TMEM132D: variants seen among roughly 807,000 people sequenced by gnomAD.
The protein encoded by TMEM132D is transmembrane protein 132D, also known as mature OL transmembrane protein.
TMEM132D carries 21 observed loss-of-function variants against 62.3 expected under a neutral mutation model. That is an observed-to-expected ratio of 0.34 (90% CI 0.24 to 0.49). TMEM132D has a LOEUF of 0.49. Among genes scored for constraint, TMEM132D ranks in the 20% least tolerant of loss-of-function variants. The probability of loss-of-function intolerance (pLI) is 0.99; values close to 1 mark genes in which losing one functional copy is unlikely to be tolerated. For synonymous variants in TMEM132D, 621 were observed against 575.6 expected, an observed-to-expected ratio of 1.08 and a Z score of -1.13; for missense variants, 1,346 against 1,402.8, an observed-to-expected ratio of 0.96 and a Z score of 0.65.
At chr12:129,228,957 G>A (rs1465229846) in intron 4 of TMEM132D, among the ~76,000 whole-genome samples, 2 of 152,182 alleles carry the variant, frequency 1.3e-5, no homozygotes, top group East Asian at 3.9e-4. Context: ...CAATTCCGGG[G>A]CATCATTCAG....
chr12:129,348,133 G>A (rs1331005711), intron 3 of TMEM132D, among the ~76,000 whole-genome samples: 1 of 152,176 alleles, frequency 6.6e-6, no homozygotes, highest in Non-Finnish European at 1.5e-5. Context: ...TAACCATAGT[G>A]GAAGACAGTG....
intron 1 of TMEM132D, among the ~76,000 whole-genome samples, chr12:129,807,727 T>G (rs1356098928): frequency 6.6e-6 from 1 of 152,196 alleles, no homozygotes; most frequent in Non-Finnish European, 1.5e-5. Flanking sequence ...TCTGATTAGG[T>G]TCGGCCAATC....
At chr12:129,793,584 T>TCGAACTC (rs1432903259) in intron 1 of TMEM132D, among the ~76,000 whole-genome samples, 1 of 152,210 alleles carries the variant, frequency 6.6e-6, no homozygotes, top group Non-Finnish European at 1.5e-5. Context: ...CAGGCTGGTC[T>TCGAACTC]CGAACTCCTG....
At chr12:129,347,794 T>C (rs1869733331) in intron 3 of TMEM132D, among the ~76,000 whole-genome samples, 1 of 152,130 alleles carries the variant, frequency 6.6e-6, no homozygotes, top group African/African-American at 2.4e-5. Context: ...TGGGAGAACA[T>C]TTTTGCAATC....
At chr12:129,253,159 T>C (rs1471954608) in intron 4 of TMEM132D, among the ~76,000 whole-genome samples, 1 of 151,522 alleles carries the variant, frequency 6.6e-6, no homozygotes, top group East Asian at 1.9e-4. Context: ...ACCTGCATGT[T>C]GTGCACATGT....
intron 5 of TMEM132D, among the ~76,000 whole-genome samples, chr12:129,162,370 C>T (rs1437017260): frequency 6.6e-6 from 1 of 152,176 alleles, no homozygotes; most frequent in Non-Finnish European, 1.5e-5. Flanking sequence ...GCCTCCAAAA[C>T]CGTGAGAAAA....
At chr12:129,385,381 C>T (rs1389278238) in intron 3 of TMEM132D, among the ~76,000 whole-genome samples, 2 of 152,076 alleles carry the variant, frequency 1.3e-5, no homozygotes, top group Non-Finnish European at 2.9e-5. Flanking sequence ...GCTGGGATTA[C>T]AAGCATGAGC....
At chr12:129,394,078 A>G (rs1871356905) in intron 3 of TMEM132D, among the ~76,000 whole-genome samples, 1 of 152,214 alleles carries the variant, frequency 6.6e-6, no homozygotes, top group African/African-American at 2.4e-5. Context: ...GGAATTAAAC[A>G]GCTTCATTCT....
intron 2 of TMEM132D, among the ~76,000 whole-genome samples, chr12:129,603,267 G>T (rs1878529734): frequency 6.6e-6 from 1 of 152,136 alleles, no homozygotes; most frequent in African/African-American, 2.4e-5. Flanking sequence ...ATACAGAGTA[G>T]ATTCCCTGCC....
intron 2 of TMEM132D, among the ~76,000 whole-genome samples, chr12:129,628,260 T>C (rs1879271338): frequency 6.6e-6 from 1 of 152,172 alleles, no homozygotes; most frequent in South Asian, 2.1e-4. Flanking sequence ...CAGAAAACCT[T>C]GATTAGAAAG....
chr12:129,656,485 G>A (rs1880082487), intron 2 of TMEM132D, among the ~76,000 whole-genome samples: 1 of 152,114 alleles, frequency 6.6e-6, no homozygotes, highest in African/African-American at 2.4e-5. Flanking sequence ...CTTGTCTCAG[G>A]ACACAGAGCT....
At chr12:129,593,707 T>C (rs1448739684) in intron 2 of TMEM132D, among the ~76,000 whole-genome samples, 6 of 152,176 alleles carry the variant, frequency 3.9e-5, no homozygotes, top group African/African-American at 1.2e-4. Context: ...TACTCAGTAT[T>C]GCAGACTAAA....
At chr12:129,876,687 T>C (rs1874425552) in intron 1 of TMEM132D, among the ~76,000 whole-genome samples, 1 of 152,224 alleles carries the variant, frequency 6.6e-6, no homozygotes, top group Non-Finnish European at 1.5e-5. Context: ...TTGGCTTCAT[T>C]ATCAGGCTCT....
chr12:129,514,783 A>G (rs1435982186), intron 3 of TMEM132D, among the ~76,000 whole-genome samples: 1 of 152,156 alleles, frequency 6.6e-6, no homozygotes, highest in Non-Finnish European at 1.5e-5. Context: ...CATTCTCTTG[A>G]TAGCTATGAT....
At chr12:129,295,165 T>G (rs1881538499) in intron 4 of TMEM132D, among the ~76,000 whole-genome samples, 1 of 152,196 alleles carries the variant, frequency 6.6e-6, no homozygotes, top group South Asian at 2.1e-4. Context: ...ACACTGATTC[T>G]TTGTAGTTCC....
At chr12:129,090,964 C>T (rs1874891544) in intron 5 of TMEM132D, among the ~76,000 whole-genome samples, 1 of 152,108 alleles carries the variant, frequency 6.6e-6, no homozygotes, top group Non-Finnish European at 1.5e-5. Context: ...GGTCATGTCT[C>T]CACCCAAAAG....
rs1029027910 is a variant in TMEM132D at position 129,867,678 on chromosome 12, G to A, written c.79+35583C>T. ...TAATGTGAACTAGCTTGACCGTGGT[G>A]ACAATTTCACAATGTATACATACAG... On this transcript the variant is annotated intron_variant, in intron 1 of 8. Coordinates refer to ENST00000422113, the MANE Select transcript of TMEM132D (RefSeq NM_133448.3). This position sits in a 1 kb window ranked among gnomAD's most constrained non-coding sequence, Gnocchi z 4.5. 6.6e-6 allele frequency among the ~76,000 whole-genome samples: 1 copy of A among 152,206 alleles called. No individual in the cohort carries two copies. Among genetic ancestry groups the A allele is most frequent in the Non-Finnish European group, 1.5e-5 (1 of 68,040 alleles).
intron 1 of TMEM132D, among the ~76,000 whole-genome samples, chr12:129,768,355 G>A (rs553806397): frequency 2.6e-5 from 4 of 152,144 alleles, no homozygotes; most frequent in African/African-American, 7.2e-5. Context: ...GGTTTCTGCT[G>A]TCATCACATG....
intron 1 of TMEM132D, among the ~76,000 whole-genome samples, chr12:129,890,889 T>C (rs1874901160): frequency 6.6e-6 from 1 of 152,172 alleles, no homozygotes; most frequent in Admixed American, 6.5e-5. Flanking sequence ...GAAGATAAAA[T>C]ACTCGAACCA....
Sources: gnomAD v4.1 joint callset for allele counts (sites outside exome capture counted in the v4.1 genomes callset) on GRCh38, gnomAD v4.1.1 for gene constraint, Gnocchi (gnomAD v3.1) non-coding constraint, MANE v1.5 for transcripts, NCBI Gene and HGNC (gene_info 2026-07-23, HGNC 2026-07-21) for gene names.